LARGE1: variants seen among roughly 807,000 people sequenced by gnomAD.
LARGE1 encodes the protein xylosyl- and glucuronyltransferase LARGE1.
Under a neutral mutation model 87.6 loss-of-function variants are expected in LARGE1, and 43 were observed. The ratio of observed to expected loss-of-function variants is 0.49; its 90% CI spans 0.38 to 0.63. The LOEUF (loss-of-function observed/expected upper bound fraction) is 0.63, where lower values mean the gene tolerates loss of function less well. Ranked by LOEUF, LARGE1 falls within the 30% of genes least tolerant of loss-of-function variation. The probability of loss-of-function intolerance (pLI) is 0.00; values close to 1 mark genes in which losing one functional copy is unlikely to be tolerated. For missense variants in LARGE1, 802 were observed against 1,000.2 expected (o/e 0.80, Z 2.67); for synonymous variants, 434 against 394.6 (o/e 1.10, Z -1.18).
chr22:33,121,486 A>G, the LARGE1 span, among the ~76,000 whole-genome samples: 1 of 152,216 alleles, frequency 6.6e-6, no homozygotes, highest in Non-Finnish European at 1.5e-5. Context: ...ATATGATCCC[A>G]AACCTGGGAA....
intron 6 of LARGE1, among the ~76,000 whole-genome samples, chr22:33,445,390 G>T (rs2067645092): frequency 6.6e-6 from 1 of 152,210 alleles, no homozygotes; most frequent in Non-Finnish European, 1.5e-5. Flanking sequence ...CCAGAATGCT[G>T]AAAGGTGGGA....
intron 6 of LARGE1, among the ~76,000 whole-genome samples, chr22:33,484,644 TTTAAG>T (rs753062381): frequency 6.6e-6 from 1 of 152,148 alleles, no homozygotes; most frequent in Admixed American, 6.5e-5. Flanking sequence ...CCTTGCTGAC[TTTAAG>T]TTAAGAGTCA....
intron 11 of LARGE1, chr22:33,166,894 A>T: frequency 4.2e-6 from 2 of 470,832 alleles, no homozygotes; most frequent in Non-Finnish European, 8.8e-6. Flanking sequence ...TATTTGTTCT[A>T]TGCAATGATA....
At chr22:33,315,938 T>G in intron 11 of LARGE1, 147 bp downstream of exon 11, 1 of 944,016 alleles carries the variant, frequency 1.1e-6, no homozygotes, top group Non-Finnish European at 1.6e-6. Context: ...CAGGCTTCAA[T>G]ATTCTAAGCC....
At chr22:33,150,078 A>T in the LARGE1 span, among the ~76,000 whole-genome samples, 5 of 151,870 alleles carry the variant, frequency 3.3e-5, no homozygotes, top group African/African-American at 7.3e-5. Context: ...TTAAAACTTA[A>T]ATTTGTTTTA....
At chr22:33,411,725 A>G (rs1203843059) in intron 7 of LARGE1, among the ~76,000 whole-genome samples, 1 of 152,216 alleles carries the variant, frequency 6.6e-6, no homozygotes, top group Non-Finnish European at 1.5e-5. Context: ...GGGAAAACCT[A>G]GGTACAGCTA....
intron 2 of LARGE1, among the ~76,000 whole-genome samples, chr22:33,688,170 A>G (rs1396035939): frequency 6.6e-6 from 1 of 152,166 alleles, no homozygotes; most frequent in Admixed American, 6.5e-5. Context: ...TCTCTATCTC[A>G]ATGTCCACCT....
chr22:33,521,787 C>G (rs1602238229), intron 6 of LARGE1, among the ~76,000 whole-genome samples: 1 of 152,084 alleles, frequency 6.6e-6, no homozygotes, highest in Non-Finnish European at 1.5e-5. Flanking sequence ...CTGTGTTAGT[C>G]CATTCACACT....
intron 1 of LARGE1, among the ~76,000 whole-genome samples, chr22:33,822,531 T>A (rs1268288958): frequency 6.6e-6 from 1 of 151,992 alleles, no homozygotes; most frequent in East Asian, 1.9e-4. Context: ...AAGCCCCATC[T>A]CTACTAAAAA....
chr22:33,431,529 C>T (rs1227836656), intron 7 of LARGE1, among the ~76,000 whole-genome samples: 2 of 152,078 alleles, frequency 1.3e-5, no homozygotes, highest in African/African-American at 4.8e-5. Flanking sequence ...TGCTGATTAG[C>T]AAATATATCT....
intron 1 of LARGE1, among the ~76,000 whole-genome samples, chr22:33,860,674 C>A (rs1182088977): frequency 6.6e-6 from 1 of 152,150 alleles, no homozygotes; most frequent in Non-Finnish European, 1.5e-5. Flanking sequence ...GGGCGTGCAA[C>A]CGTGATCAGG....
intron 11 of LARGE1, among the ~76,000 whole-genome samples, chr22:33,242,076 T>C (rs991082504): frequency 6.6e-6 from 1 of 152,212 alleles, no homozygotes; most frequent in Non-Finnish European, 1.5e-5. Flanking sequence ...TCATTTCACA[T>C]TGTAAACATA....
At chr22:33,631,044 G>A (rs893347126) in intron 3 of LARGE1, among the ~76,000 whole-genome samples, 9 of 151,836 alleles carry the variant, frequency 5.9e-5, no homozygotes, top group African/African-American at 1.2e-4. Context: ...TAGTAGAGAC[G>A]GGGTTTCACC....
intron 3 of LARGE1, among the ~76,000 whole-genome samples, chr22:33,633,298 C>T (rs566640876): frequency 3.2e-4 from 48 of 152,216 alleles, no homozygotes; most frequent in South Asian, 1.0e-3. Context: ...AGATAAGAGA[C>T]GATGCAGGGA....
intron 11 of LARGE1, among the ~76,000 whole-genome samples, chr22:33,238,451 T>G (rs909382897): frequency 1.3e-5 from 2 of 152,286 alleles, no homozygotes; most frequent in Admixed American, 6.5e-5. Flanking sequence ...ATATATTTAG[T>G]ATACCAAATA....
At chr22:33,852,868 AAAAAAAAAAAAGAAAG>A (rs1336145148) in intron 1 of LARGE1, among the ~76,000 whole-genome samples, 62 of 107,318 alleles carry the variant, frequency 5.8e-4, no homozygotes, top group African/African-American at 2.1e-3. Flanking sequence ...AAAAAAAAAA[AAAAAAAAAAAAGAAAG>A]AAAGAAAGAA....
chr22:33,385,181 A>G (rs1468037001), intron 7 of LARGE1, among the ~76,000 whole-genome samples: 1 of 148,236 alleles, frequency 6.7e-6, no homozygotes, highest in Admixed American at 6.7e-5. Flanking sequence ...GACCTGGGTG[A>G]ATGGAGGGTT....
intron 3 of LARGE1, among the ~76,000 whole-genome samples, chr22:33,647,966 C>T (rs2080672014): frequency 6.6e-6 from 1 of 152,126 alleles, no homozygotes; most frequent in Admixed American, 6.5e-5. Context: ...ACCATGTTGG[C>T]CGGGATGGTC....
At chr22:33,743,743 T>A (rs959881979) in intron 2 of LARGE1, among the ~76,000 whole-genome samples, 2 of 152,238 alleles carry the variant, frequency 1.3e-5, no homozygotes, top group Non-Finnish European at 2.9e-5. Context: ...ATTTTACAGA[T>A]GATGAAAGGG....
Sources: gnomAD v4.1 joint callset for allele counts (sites outside exome capture counted in the v4.1 genomes callset) on GRCh38, gnomAD v4.1.1 for gene constraint, MANE v1.5 for transcripts, NCBI Gene and HGNC (gene_info 2026-07-23, HGNC 2026-07-21) for gene names.